NDST1: variants seen among roughly 807,000 people sequenced by gnomAD.
The protein encoded by NDST1 is N-deacetylase and N-sulfotransferase 1.
In NDST1, 35 loss-of-function variants were observed where a neutral mutation model predicts 92.8. That is an observed-to-expected ratio of 0.38 (90% CI 0.29 to 0.50). The LOEUF is 0.50. Among genes scored for constraint, NDST1 ranks in the 20% least tolerant of loss-of-function variants. The pLI is 0.94. For missense variants in NDST1, 822 were observed against 1,182.7 expected, an observed-to-expected ratio of 0.69 and a Z score of 4.47; for synonymous variants, 493 against 500.3, an observed-to-expected ratio of 0.99 and a Z score of 0.19.
chr5:150,521,130 G>A lies in NDST1; in HGVS notation c.-125G>A. On this transcript the variant is annotated 5_prime_UTR_variant, in exon 2 of 15. Transcript: ENST00000261797. This position sits in a 1 kb window ranked among gnomAD's most constrained non-coding sequence, Gnocchi z 5.9. ...CCTCCACTCCCAGTGCCCCACAAGG[G>A]CGTCGCTTCCTAAGTCTCTGTGAAT... 1 of 850,478 alleles carries A rather than the reference G, an allele frequency of 1.2e-6. No homozygotes were observed. Among genetic ancestry groups the A allele is most frequent in the Admixed American group, 2.8e-5 (1 of 36,200 alleles). The allele number at this position is 850,478 out of a possible 1,614,324, so 52.7% of individuals were successfully genotyped here.
At chr5:150,512,302 C>T (rs1753764483) in intron 1 of NDST1, among the ~76,000 whole-genome samples, 1 of 152,122 alleles carries the variant, frequency 6.6e-6, no homozygotes, top group African/African-American at 2.4e-5. Context: ...CAAGAGTGAC[C>T]TAGGCTGGAA....
intron 12 of NDST1, among the ~76,000 whole-genome samples, 192 bp from the exon 13 acceptor site, chr5:150,549,486 T>C (rs1755630850): frequency 6.6e-6 from 1 of 152,168 alleles, no homozygotes; most frequent in Admixed American, 6.5e-5. Flanking sequence ...CAGCAGAAGC[T>C]GGTGGAAAGC....
intron 6 of NDST1, among the ~76,000 whole-genome samples, 182 bp downstream of exon 6, chr5:150,536,067 G>A (rs1459412878): frequency 1.3e-5 from 2 of 152,204 alleles, no homozygotes; most frequent in African/African-American, 2.4e-5. Flanking sequence ...CTGCCACTCC[G>A]ACCCCTTTCA....
chr5:150,541,675 C>T lies in NDST1; in HGVS notation c.1846+9C>T, dbSNP rs1233591698. 2.5e-6 allele frequency: 4 copies of T among 1,613,658 alleles called. No homozygotes were observed. The highest frequency in any genetic ancestry group is 2.2e-5 in the East Asian group (1 of 44,896). ...CGGCCCCCAGAAAACAGGCAGGTCT[C>T]TCTGCTCTTGACCGAGCTTCCCCAA... On this transcript the variant is annotated intron_variant, in intron 9 of 14. Coordinates refer to ENST00000261797, the MANE Select transcript of NDST1 (RefSeq NM_001543.5).
intron 6 of NDST1, among the ~76,000 whole-genome samples, chr5:150,538,388 T>G (rs185796963): frequency 6.6e-6 from 1 of 152,216 alleles, no homozygotes; most frequent in East Asian, 1.9e-4. Flanking sequence ...GCAGAGACTG[T>G]AGGGGACAAA....
intron 1 of NDST1, among the ~76,000 whole-genome samples, chr5:150,516,976 A>AGTGTGT (rs56170880): frequency 0.019 from 2,706 of 143,712 alleles, 43 homozygotes; most frequent in Admixed American, 0.041. Flanking sequence ...GACATTTTCT[A>AGTGTGT]GTGTGTGTGT....
Position 150,554,902 on chromosome 5 carries a change from CT to C in NDST1, c.*1571del, listed in dbSNP as rs1012225809. The C allele has an allele frequency of 6.5e-6, 1 of 152,796 alleles. No homozygotes were observed. The highest frequency in any genetic ancestry group is 2.4e-5 in the African/African-American group (1 of 41,454). 9.5% of individuals were successfully genotyped at this position (152,796 alleles called of 1,614,324 possible). ...GTGACTGAGGCTGGGGTGCCTCTCC[CT>C]GGCCCCCTCCAACTGCCAAATTCTG... On this transcript the variant is annotated 3_prime_UTR_variant, in exon 15 of 15. Coordinates refer to ENST00000261797, the MANE Select transcript of NDST1 (RefSeq NM_001543.5).
intron 1 of NDST1, 96 bp downstream of exon 1, chr5:150,508,322 A>T (rs1581340511): frequency 2.1e-5 from 3 of 146,000 alleles, no homozygotes; most frequent in South Asian, 2.2e-4. Flanking sequence ...GGTCCATCTG[A>T]GTGTGTGTGT....
At position 150,508,183 on chromosome 5, in the gene NDST1, G is replaced by T. The variant is rs1018499792; in HGVS notation, c.-431G>T. On this transcript the variant is annotated 5_prime_UTR_variant, in exon 1 of 15. Coordinates refer to ENST00000261797, the MANE Select transcript of NDST1 (RefSeq NM_001543.5). Reference sequence around the variant, plus strand: ...TTAAGGAGAGGACATTCGAGAGGGCGTGGCGAAGTGAAGAGGAACCTCACG... The same window carrying T: ...TTAAGGAGAGGACATTCGAGAGGGCTTGGCGAAGTGAAGAGGAACCTCACG... 6.6e-6 allele frequency: 1 copy of T among 152,488 alleles called. No individual in the cohort carries two copies. Among genetic ancestry groups the T allele is most frequent in the Non-Finnish European group, 1.5e-5 (1 of 68,294 alleles). 9.4% of individuals were successfully genotyped at this position (152,488 alleles called of 1,614,324 possible).
intron 11 of NDST1, among the ~76,000 whole-genome samples, chr5:150,546,064 C>T (rs149607794): frequency 2.0e-3 from 276 of 135,060 alleles, no homozygotes; most frequent in South Asian, 4.0e-3. Flanking sequence ...GTGGCCTGAT[C>T]TCAACTCACT....
intron 1 of NDST1, among the ~76,000 whole-genome samples, chr5:150,509,755 C>T (rs764179206): frequency 3.3e-5 from 5 of 152,288 alleles, no homozygotes; most frequent in African/African-American, 9.6e-5. Flanking sequence ...GTGATCTACC[C>T]GCCTCAGCCT....
chr5:150,530,485 A>G (rs989894593), intron 3 of NDST1, among the ~76,000 whole-genome samples: 1 of 151,230 alleles, frequency 6.6e-6, no homozygotes, highest in African/African-American at 2.4e-5. Context: ...GCCTGAGGAG[A>G]TCAGGTTCCT....
chr5:150,547,284 GT>G (rs1755529846), intron 11 of NDST1, among the ~76,000 whole-genome samples: 2 of 152,344 alleles, frequency 1.3e-5, no homozygotes, highest in African/African-American at 4.8e-5. Flanking sequence ...CTGGGAAGAT[GT>G]TGGAGGAGAG....
rs1476083643 is a variant in NDST1, at chr5:150,521,371, T to C, written c.117T>C (p.Tyr39=). ...TTTTCATCTCGGCCTACTACCTATA[T>C]GGCTGGAAGCGAGGCCTGGAGCCCT... ...FSVFISAYYL[Y]GWKRGLEPSA... The change falls in exon 2 of 15, where the codon TAT becomes TAC. Residue 39 remains tyrosine (Y), a synonymous_variant. Transcript: ENST00000261797. This position sits in a 1 kb window ranked among gnomAD's most constrained non-coding sequence, Gnocchi z 5.9. 32 of 1,613,522 alleles carry C rather than the reference T, an allele frequency of 2.0e-5. No individual in the cohort carries two copies. Among genetic ancestry groups the C allele is most frequent in the Non-Finnish European group, 2.7e-5 (32 of 1,179,920 alleles).
intron 3 of NDST1, among the ~76,000 whole-genome samples, 172 bp downstream of exon 3, chr5:150,528,470 A>C (rs1043137650): frequency 2.6e-5 from 4 of 152,166 alleles, no homozygotes; most frequent in African/African-American, 7.2e-5. Context: ...TAATTGTCTT[A>C]TTAGAAGCAA....
intron 2 of NDST1, among the ~76,000 whole-genome samples, chr5:150,524,534 T>G (rs1490314558): frequency 6.6e-6 from 1 of 152,274 alleles, no homozygotes; most frequent in Non-Finnish European, 1.5e-5. Flanking sequence ...CATTGAGCAC[T>G]TACTGTGTCC....
rs550816580 is a variant in NDST1 at position 150,545,609 on chromosome 5, C to T, written c.2145+123C>T. The T allele has an allele frequency of 5.9e-4, 742 of 1,259,140 alleles. 9 individuals carry two copies. The South Asian group carries it at 8.9e-3, about 15-fold the overall frequency. The allele number at this position is 1,259,140 out of a possible 1,614,324, so 78.0% of individuals were successfully genotyped here. ...TACTGTGTGCCAGCCCTGAGCCAGGCGCCTGGAGCGTGGTGATGGCTGAGA... is the reference window on the plus strand; with the variant it reads ...TACTGTGTGCCAGCCCTGAGCCAGGTGCCTGGAGCGTGGTGATGGCTGAGA... On this transcript the variant is annotated intron_variant, in intron 11 of 14. Transcript: ENST00000261797.
chr5:150,505,166 C>A (rs1753395362), upstream of NDST1, among the ~76,000 whole-genome samples: 1 of 152,210 alleles, frequency 6.6e-6, no homozygotes, highest in Non-Finnish European at 1.5e-5. Flanking sequence ...GGCATTGTAA[C>A]CACAGTGGTG....
At chr5:150,505,972 C>CT (rs1753435773), upstream of NDST1, among the ~76,000 whole-genome samples, 1 of 152,134 alleles carries the variant, frequency 6.6e-6, no homozygotes, top group South Asian at 2.1e-4. Context: ...TGTGACCAAA[C>CT]TGAGGCCGAG....
Sources: gnomAD v4.1 joint callset for allele counts (sites outside exome capture counted in the v4.1 genomes callset) on GRCh38, gnomAD v4.1.1 for gene constraint, Gnocchi (gnomAD v3.1) non-coding constraint, MANE v1.5 for transcripts, NCBI Gene and HGNC (gene_info 2026-07-23, HGNC 2026-07-21) for gene names.